ATP2B2: variants seen among roughly 807,000 people sequenced by gnomAD.
ATP2B2 encodes the protein ATPase plasma membrane Ca2+ transporting 2.
Under a neutral mutation model 120.0 loss-of-function variants are expected in ATP2B2, and 15 were observed. The observed-to-expected ratio is 0.12, with a 90% confidence interval of 0.08 to 0.19. The LOEUF (loss-of-function observed/expected upper bound fraction) is 0.19. Among genes scored for constraint, ATP2B2 ranks in the 10% least tolerant of loss-of-function variants. The pLI is 1.00. For missense variants in ATP2B2, 1,045 were observed against 1,719.8 expected, an observed-to-expected ratio of 0.61 and a Z score of 6.94; for synonymous variants, 694 against 700.3, an observed-to-expected ratio of 0.99 and a Z score of 0.14.
chr3:10,383,450 CAT>C (rs1371892779), intron 8 of ATP2B2, among the ~76,000 whole-genome samples: 1 of 152,208 alleles, frequency 6.6e-6, no homozygotes, highest in African/African-American at 2.4e-5. Flanking sequence ...GGTTCTCAAA[CAT>C]CTTTGACCAC....
chr3:10,640,546 A>G (rs2070143684), intron 1 of ATP2B2, among the ~76,000 whole-genome samples: 1 of 152,152 alleles, frequency 6.6e-6, no homozygotes. Flanking sequence ...AGGCATTGTG[A>G]TGTGATCTCA....
rs573093721 is a variant in ATP2B2, at chr3:10,641,925, C to G, written c.-459-21964G>C. 1.6e-4 allele frequency among the ~76,000 whole-genome samples: 25 copies of G among 152,108 alleles called. 1 individual carries two copies. Among genetic ancestry groups the G allele is most frequent in the Middle Eastern group, 3.4e-3 (1 of 294 alleles). ...ATCCATCCATCATCCACCCATCCAT[C>G]CATTCATACATAATAAAACCATTCA... On this transcript the variant is annotated intron_variant, in intron 1 of 21. Transcript: ENST00000646379.
At chr3:10,428,150 C>G (rs1363945962) in intron 2 of ATP2B2, among the ~76,000 whole-genome samples, 1 of 152,206 alleles carries the variant, frequency 6.6e-6, no homozygotes, top group Non-Finnish European at 1.5e-5. Flanking sequence ...TGTTAACCTC[C>G]AGGTGCCTCA....
chr3:10,685,197 A>C (rs1050339131), intron 1 of ATP2B2, among the ~76,000 whole-genome samples: 1 of 152,208 alleles, frequency 6.6e-6, no homozygotes, highest in Non-Finnish European at 1.5e-5. Flanking sequence ...CACTCTGTAA[A>C]CGGCAAAGGC....
intron 3 of ATP2B2, among the ~76,000 whole-genome samples, chr3:10,516,701 A>C (rs1203217095): frequency 1.3e-5 from 2 of 152,092 alleles, no homozygotes; most frequent in East Asian, 3.8e-4. Context: ...AAGTTACTCA[A>C]CTTTTCGGAG....
At chr3:10,618,916 AAG>A (rs2069469713) in intron 2 of ATP2B2, among the ~76,000 whole-genome samples, 1 of 152,196 alleles carries the variant, frequency 6.6e-6, no homozygotes, top group African/African-American at 2.4e-5. Flanking sequence ...ATCCTCTTCC[AAG>A]GAGTGACAAG....
intron 3 of ATP2B2, among the ~76,000 whole-genome samples, chr3:10,532,839 C>CAAAGGCAA (rs1293719015): frequency 6.6e-6 from 1 of 152,156 alleles, no homozygotes; most frequent in African/African-American, 2.4e-5. Flanking sequence ...CAGGCAGGCA[C>CAAAGGCAA]AAAGGCAGTA....
intron 1 of ATP2B2, among the ~76,000 whole-genome samples, chr3:10,630,006 G>A (rs943151368): frequency 6.6e-6 from 1 of 152,140 alleles, no homozygotes; most frequent in African/African-American, 2.4e-5. Flanking sequence ...TTATCCTCGG[G>A]GACAGACTGA....
intron 1 of ATP2B2, among the ~76,000 whole-genome samples, chr3:10,477,304 G>C (rs1460802948): frequency 2.0e-5 from 3 of 152,192 alleles, no homozygotes; most frequent in African/African-American, 7.2e-5. Flanking sequence ...GTTCGCTCTG[G>C]AAGTTTCATA....
rs143118282 is a variant in ATP2B2 at position 10,414,807 on chromosome 3, C to T, written c.200-3992G>A. Among the ~76,000 whole-genome samples the T allele has an allele frequency of 7.9e-3, 1,205 of 152,266 alleles. 16 individuals are homozygous for T. Among genetic ancestry groups the T allele is most frequent in the African/African-American group, 0.028 (1,157 of 41,540 alleles). ...TCTTCCAGGCAGCTCCTTCCCCAGC[C>T]CCCGCCCTTGCCCACTCCCCACAGA... On this transcript the variant is annotated intron_variant, in intron 2 of 22. Coordinates refer to ENST00000360273, the MANE Select transcript of ATP2B2 (RefSeq NM_001001331.4).
chr3:10,394,144 G>A (rs73113629), intron 5 of ATP2B2, among the ~76,000 whole-genome samples: 1,724 of 152,100 alleles, frequency 0.011, 39 homozygotes, highest in African/African-American at 0.039. Flanking sequence ...AGAGGGGAGA[G>A]TTCATCTCTT....
intron 3 of ATP2B2, among the ~76,000 whole-genome samples, chr3:10,515,306 G>A (rs1441143756): frequency 6.6e-6 from 1 of 152,180 alleles, no homozygotes; most frequent in Non-Finnish European, 1.5e-5. Flanking sequence ...GGTGTTCAGG[G>A]ATGTCTAGCT....
chr3:10,502,596 G>A (rs2066439068), intron 1 of ATP2B2, among the ~76,000 whole-genome samples: 2 of 152,346 alleles, frequency 1.3e-5, no homozygotes, highest in African/African-American at 4.8e-5. Context: ...TTTATAAACG[G>A]TCCCAGCTAG....
At chr3:10,345,343 C>T (rs368357169) in intron 18 of ATP2B2, 41 bp downstream of exon 18, 51 of 1,608,378 alleles carry the variant, frequency 3.2e-5, no homozygotes, top group African/African-American at 2.0e-4. Flanking sequence ...GGGGGGTCTC[C>T]GCCCTCCCCC....
At chr3:10,691,543 C>A (rs1284715582) in intron 1 of ATP2B2, among the ~76,000 whole-genome samples, 1 of 152,230 alleles carries the variant, frequency 6.6e-6, no homozygotes, top group Non-Finnish European at 1.5e-5. Flanking sequence ...TGCTCCACCA[C>A]CACCCAGCTC....
At chr3:10,506,848 TC>T (rs2066644064), upstream of ATP2B2, among the ~76,000 whole-genome samples, 1 of 152,228 alleles carries the variant, frequency 6.6e-6, no homozygotes, top group Non-Finnish European at 1.5e-5. Flanking sequence ...CGCCCGAGCG[TC>T]CCGAGCTGCC....
intron 1 of ATP2B2, among the ~76,000 whole-genome samples, chr3:10,486,324 C>CGTGTGTGCGTGTGTGTGTGTGTGT (rs763360449): frequency 8.5e-6 from 1 of 117,088 alleles, no homozygotes; most frequent in South Asian, 2.6e-4. Context: ...TGTGTGCGTG[C>CGTGTGTGCGTGTGTGTGTGTGTGT]GTGTGTGTGT....
intron 14 of ATP2B2, among the ~76,000 whole-genome samples, chr3:10,350,891 C>G (rs1294098563): frequency 2.0e-5 from 3 of 152,168 alleles, no homozygotes; most frequent in Non-Finnish European, 4.4e-5. Flanking sequence ...TCGACCTGGG[C>G]GAAGACTTTG....
At chr3:10,562,366 G>A (rs977931536) in intron 2 of ATP2B2, among the ~76,000 whole-genome samples, 6 of 152,222 alleles carry the variant, frequency 3.9e-5, no homozygotes, top group Admixed American at 3.9e-4. Context: ...TTGTGCGTGG[G>A]TGGGGGAGTT....
Sources: allele counts gnomAD v4.1 joint callset (sites outside exome capture counted in the v4.1 genomes callset), GRCh38; gene constraint gnomAD v4.1.1; transcripts MANE v1.5; gene names NCBI Gene and HGNC (gene_info 2026-07-23, HGNC 2026-07-21).